Variants in GRIN2B observed in about 807,000 individuals in gnomAD.
GRIN2B encodes glutamate ionotropic receptor NMDA type subunit 2B.
A neutral mutation model predicts 114.5 loss-of-function variants in GRIN2B; 5 were observed. That is an observed-to-expected ratio of 0.04 (90% CI 0.02 to 0.09). GRIN2B has a LOEUF of 0.09. Ranked by LOEUF, GRIN2B falls within the 10% of genes least tolerant of loss-of-function variation. The pLI is 1.00. For missense variants in GRIN2B, 1,108 were observed against 1,943.5 expected (o/e 0.57, Z 8.08); for synonymous variants, 787 against 745.1 (o/e 1.06, Z -0.92).
At chr12:13,845,722 G>T (rs1865461358) in intron 3 of GRIN2B, among the ~76,000 whole-genome samples, 1 of 152,168 alleles carries the variant, frequency 6.6e-6, no homozygotes, top group South Asian at 2.1e-4. Flanking sequence ...TGTTCATCTG[G>T]ATTTTTGTGG....
chr12:13,699,362 C>G (rs572798697), intron 4 of GRIN2B, among the ~76,000 whole-genome samples: 1 of 152,118 alleles, frequency 6.6e-6, no homozygotes, highest in South Asian at 2.1e-4. Flanking sequence ...AATGGAAGTA[C>G]AGTAAGCAAG....
At chr12:13,919,516 A>G (rs2136810072) in intron 2 of GRIN2B, among the ~76,000 whole-genome samples, 1 of 152,316 alleles carries the variant, frequency 6.6e-6, no homozygotes, top group South Asian at 2.1e-4. Flanking sequence ...GACATGAAAG[A>G]TTCCAGGTAG....
At chr12:13,901,100 A>G (rs1489827740) in intron 2 of GRIN2B, among the ~76,000 whole-genome samples, 1 of 152,202 alleles carries the variant, frequency 6.6e-6, no homozygotes, top group Non-Finnish European at 1.5e-5. Flanking sequence ...TTCCACAAGC[A>G]GTGTAGAAGT....
At chr12:13,649,430 C>A (rs1168129460) in intron 5 of GRIN2B, among the ~76,000 whole-genome samples, 1 of 152,042 alleles carries the variant, frequency 6.6e-6, no homozygotes, top group Non-Finnish European at 1.5e-5. Flanking sequence ...CACAAGATTA[C>A]AGGTATTCAG....
At chr12:13,666,444 C>T (rs141630830) in intron 5 of GRIN2B, among the ~76,000 whole-genome samples, 2 of 152,198 alleles carry the variant, frequency 1.3e-5, no homozygotes, top group Non-Finnish European at 2.9e-5. Flanking sequence ...CTAAAAGGTT[C>T]ACCAAATTAT....
chr12:13,936,417 A>C (rs1867131567), intron 2 of GRIN2B, among the ~76,000 whole-genome samples: 1 of 152,188 alleles, frequency 6.6e-6, no homozygotes, highest in South Asian at 2.1e-4. Flanking sequence ...TAAAGACTAC[A>C]TTCAAACTAC....
At chr12:13,900,720 C>T (rs1398170268) in intron 2 of GRIN2B, among the ~76,000 whole-genome samples, 1 of 152,108 alleles carries the variant, frequency 6.6e-6, no homozygotes, top group Admixed American at 6.6e-5. Context: ...TGACACATCC[C>T]TAAACAGTAT....
chr12:13,930,516 AACCAG>A (rs1245440586), intron 2 of GRIN2B, among the ~76,000 whole-genome samples: 2 of 152,182 alleles, frequency 1.3e-5, no homozygotes, highest in African/African-American at 4.8e-5. Flanking sequence ...AGCCGGTAAA[AACCAG>A]ACCCTCTGAT....
Position 13,752,913 on chromosome 12 carries a change from G to C in GRIN2B, c.1010+404C>G, listed in dbSNP as rs561961730. Among the ~76,000 whole-genome samples, 14 of 152,248 alleles carry C rather than the reference G, an allele frequency of 9.2e-5. No homozygotes were observed. The South Asian group carries it at 2.9e-3, about 32-fold the overall frequency. ...CTGCATCTTTCTTTGCGATCAAGTA[G>C]TACTTACAGATCAGAGAGGCCTAGG... On this transcript the variant is annotated intron_variant, in intron 4 of 13. Coordinates refer to ENST00000609686, the MANE Select transcript of GRIN2B (RefSeq NM_000834.5).
At chr12:13,943,599 T>A (rs902676777) in intron 2 of GRIN2B, among the ~76,000 whole-genome samples, 33 of 152,198 alleles carry the variant, frequency 2.2e-4, no homozygotes, top group African/African-American at 7.5e-4. Context: ...CTTGTTTTTC[T>A]TTAACAAACA....
intron 3 of GRIN2B, among the ~76,000 whole-genome samples, chr12:13,823,840 T>C (rs1436154594): frequency 6.6e-6 from 1 of 152,190 alleles, no homozygotes; most frequent in Non-Finnish European, 1.5e-5. Context: ...ATTTAGTTTA[T>C]TGAGAATTCT....
At chr12:13,745,175 A>G (rs1348983551) in intron 4 of GRIN2B, among the ~76,000 whole-genome samples, 1 of 152,160 alleles carries the variant, frequency 6.6e-6, no homozygotes, top group East Asian at 1.9e-4. Flanking sequence ...TTGACCTTGC[A>G]CAGCTGTGGT....
intron 3 of GRIN2B, among the ~76,000 whole-genome samples, chr12:13,862,015 G>A (rs936040146): frequency 6.6e-6 from 1 of 152,206 alleles, no homozygotes; most frequent in Non-Finnish European, 1.5e-5. Context: ...AACGTTGAGA[G>A]TCAGGGATTG....
rs147607454 is a variant in GRIN2B, at chr12:13,719,028, C to T, written c.1010+34289G>A. 2.6e-5 allele frequency among the ~76,000 whole-genome samples: 4 copies of T among 152,120 alleles called. No individual in the cohort carries two copies. The East Asian group carries it at 7.8e-4, about 30-fold the overall frequency. ...GCATGGGTAAGAGGCCATCATCCACCCACCCACATGCCTGTTGTCACAAGA... is the reference window on the plus strand; with the variant it reads ...GCATGGGTAAGAGGCCATCATCCACTCACCCACATGCCTGTTGTCACAAGA... On this transcript the variant is annotated intron_variant, in intron 4 of 13. Coordinates refer to ENST00000609686, the MANE Select transcript of GRIN2B (RefSeq NM_000834.5).
chr12:13,933,241 C>G (rs1388580572), intron 2 of GRIN2B, among the ~76,000 whole-genome samples: 1 of 152,128 alleles, frequency 6.6e-6, no homozygotes, highest in Non-Finnish European at 1.5e-5. Flanking sequence ...TTCAATTAAA[C>G]CCTTTGAGTA....
chr12:13,643,059 C>G lies in GRIN2B; in HGVS notation c.1126-26402G>C, dbSNP rs117992841. 7.0e-3 allele frequency among the ~76,000 whole-genome samples: 1,062 copies of G among 152,290 alleles called. 6 individuals are homozygous for G. Among genetic ancestry groups the G allele is most frequent in the Middle Eastern group, 0.024 (7 of 294 alleles). On this transcript the variant is annotated intron_variant, in intron 5 of 13. Coordinates refer to ENST00000609686, the MANE Select transcript of GRIN2B (RefSeq NM_000834.5). ...CTGTCTCTTTTTCAATGATGAATGA[C>G]CATCAACTTAGTCTGTGAAGACGAA...
intron 5 of GRIN2B, among the ~76,000 whole-genome samples, chr12:13,634,997 T>A (rs1949655324): frequency 6.6e-6 from 1 of 152,216 alleles, no homozygotes; most frequent in South Asian, 2.1e-4. Context: ...GATGCATCTT[T>A]AACCTCTTTG....
intron 5 of GRIN2B, among the ~76,000 whole-genome samples, chr12:13,662,348 G>T (rs1056249319): frequency 1.3e-5 from 2 of 152,098 alleles, no homozygotes; most frequent in Non-Finnish European, 2.9e-5. Flanking sequence ...ACATAATTTG[G>T]AAAGTTCTTA....
rs1032141987 is a variant in GRIN2B at position 13,558,115 on chromosome 12, G to A, written c.*4668C>T. The A allele has an allele frequency of 1.3e-5, 2 of 152,336 alleles. No homozygotes were observed. Among genetic ancestry groups the A allele is most frequent in the South Asian group, 4.1e-4 (2 of 4,826 alleles). 9.4% of individuals were successfully genotyped at this position (152,336 alleles called of 1,614,324 possible). Reference sequence around the variant, plus strand: ...AAGAGCTCCTTAAACAGGAGGAAAAGTCTCTGACACCCAAGTGAAGAAAGC... The same window carrying A: ...AAGAGCTCCTTAAACAGGAGGAAAAATCTCTGACACCCAAGTGAAGAAAGC... On this transcript the variant is annotated 3_prime_UTR_variant, in exon 14 of 14. Coordinates refer to ENST00000609686, the MANE Select transcript of GRIN2B (RefSeq NM_000834.5).
Sources: allele counts gnomAD v4.1 joint callset (sites outside exome capture counted in the v4.1 genomes callset), GRCh38; gene constraint gnomAD v4.1.1; transcripts MANE v1.5; gene names NCBI Gene and HGNC (gene_info 2026-07-23, HGNC 2026-07-21).